Variants in IMMP2L observed in about 807,000 individuals in gnomAD.
IMMP2L encodes inner mitochondrial membrane peptidase subunit 2.
IMMP2L carries 18 observed loss-of-function variants against 19.3 expected under a neutral mutation model. That is an observed-to-expected ratio of 0.93 (90% CI 0.64 to 1.38). The LOEUF is 1.38. Ranked by LOEUF, IMMP2L falls within the 40% of genes most tolerant of loss-of-function variation. The pLI is 0.00. For synonymous variants in IMMP2L, 76 were observed against 73.0 expected (o/e 1.04, Z -0.21); for missense variants, 233 against 218.2 (o/e 1.07, Z -0.43).
At chr7:110,765,755 C>T (rs952952029) in intron 5 of IMMP2L, among the ~76,000 whole-genome samples, 1 of 152,104 alleles carries the variant, frequency 6.6e-6, no homozygotes, top group African/African-American at 2.4e-5. Context: ...GGGTAATTAG[C>T]TTATCAATAA....
At chr7:111,265,449 G>A (rs754703469) in intron 3 of IMMP2L, among the ~76,000 whole-genome samples, 1 of 152,090 alleles carries the variant, frequency 6.6e-6, no homozygotes, top group Non-Finnish European at 1.5e-5. Context: ...AATTTGTCAG[G>A]AGCTGTACTA....
chr7:110,965,357 A>T (rs1018689618), intron 3 of IMMP2L, among the ~76,000 whole-genome samples: 1 of 152,076 alleles, frequency 6.6e-6, no homozygotes, highest in Non-Finnish European at 1.5e-5. Flanking sequence ...ATCAAAGGAA[A>T]TGTGCACTTT....
intron 3 of IMMP2L, among the ~76,000 whole-genome samples, chr7:111,444,268 G>A (rs1838064235): frequency 6.6e-6 from 1 of 152,144 alleles, no homozygotes; most frequent in Non-Finnish European, 1.5e-5. Flanking sequence ...ATGCATTGGT[G>A]AATATGTTCA....
chr7:111,536,913 T>TA (rs1004362330), intron 1 of IMMP2L, among the ~76,000 whole-genome samples: 4 of 152,108 alleles, frequency 2.6e-5, no homozygotes, highest in African/African-American at 9.7e-5. Flanking sequence ...ACAATGGTTG[T>TA]ACCCTTGTAA....
At chr7:111,294,360 T>C (rs1410399747) in intron 3 of IMMP2L, among the ~76,000 whole-genome samples, 1 of 151,950 alleles carries the variant, frequency 6.6e-6, no homozygotes, top group African/African-American at 2.4e-5. Flanking sequence ...GAGCAGTATA[T>C]AGCTCTAGAA....
intron 3 of IMMP2L, among the ~76,000 whole-genome samples, chr7:111,015,693 G>C (rs951078200): frequency 2.0e-5 from 3 of 152,098 alleles, no homozygotes; most frequent in African/African-American, 7.2e-5. Context: ...TAAATGGAGA[G>C]TGAATGCTAA....
chr7:111,434,455 G>GA (rs111684183), intron 3 of IMMP2L, among the ~76,000 whole-genome samples: 19,022 of 140,360 alleles, frequency 0.14, 2,020 homozygotes, highest in African/African-American at 0.29. Flanking sequence ...TTTTCCACAA[G>GA]AAAAAAAAAA....
intron 3 of IMMP2L, among the ~76,000 whole-genome samples, chr7:111,167,766 T>G (rs1178035773): frequency 6.6e-6 from 1 of 151,940 alleles, no homozygotes; most frequent in Non-Finnish European, 1.5e-5. Flanking sequence ...GAGCCTGTTG[T>G]GTTTACTCGG....
intron 3 of IMMP2L, among the ~76,000 whole-genome samples, chr7:111,352,367 C>CTT (rs748454509): frequency 1.1e-4 from 14 of 130,820 alleles, no homozygotes; most frequent in African/African-American, 3.0e-4. Context: ...GCACAACTAA[C>CTT]TTTTTTTTTT....
intron 1 of IMMP2L, among the ~76,000 whole-genome samples, chr7:111,534,154 C>T (rs1847655966): frequency 6.6e-6 from 1 of 151,962 alleles, no homozygotes; most frequent in Non-Finnish European, 1.5e-5. Context: ...CATGAATATA[C>T]CTTCTGATGC....
chr7:111,159,135 A>C (rs1440163682), intron 3 of IMMP2L, among the ~76,000 whole-genome samples: 1 of 152,166 alleles, frequency 6.6e-6, no homozygotes, highest in Non-Finnish European at 1.5e-5. Flanking sequence ...ATTTATTTAG[A>C]GACGGAGTCT....
At chr7:110,971,350 A>G (rs774946274) in intron 3 of IMMP2L, among the ~76,000 whole-genome samples, 2 of 152,096 alleles carry the variant, frequency 1.3e-5, no homozygotes, top group East Asian at 1.9e-4. Flanking sequence ...TATGGTTACC[A>G]TATGATATTT....
chr7:111,089,431 A>C (rs1276957826), intron 3 of IMMP2L, among the ~76,000 whole-genome samples: 6 of 152,102 alleles, frequency 3.9e-5, no homozygotes, highest in Admixed American at 6.6e-5. Context: ...AATAATTATC[A>C]CAATTTTAAG....
intron 3 of IMMP2L, chr7:111,124,794 T>G: frequency 6.2e-7 from 1 of 1,613,490 alleles, no homozygotes; most frequent in Middle Eastern, 1.6e-4. Context: ...TTGCATTAGG[T>G]GAGCTTTATC....
chr7:111,162,555 C>T lies in IMMP2L; in HGVS notation c.240-198990G>A, dbSNP rs1435606309. On this transcript the variant is annotated intron_variant, in intron 3 of 5. Coordinates refer to ENST00000405709, the MANE Select transcript of IMMP2L (RefSeq NM_032549.4). ...GGGCATATCCTCCACAGGGATTCAT[C>T]CATTCTCCATTTTAAAATTGATTTT... Among the ~76,000 whole-genome samples, 7 of 152,124 alleles carry T rather than the reference C, an allele frequency of 4.6e-5. 1 individual carries two copies. In the South Asian group the frequency reaches 1.5e-3, roughly 32 times the overall value.
At chr7:110,873,579 C>T (rs1280438493) in intron 5 of IMMP2L, among the ~76,000 whole-genome samples, 1 of 146,094 alleles carries the variant, frequency 6.8e-6, no homozygotes, top group African/African-American at 2.5e-5. Context: ...GCCTGGCCAA[C>T]ATGGTGAAAC....
At chr7:111,037,457 T>C (rs183055411) in intron 3 of IMMP2L, among the ~76,000 whole-genome samples, 1 of 152,112 alleles carries the variant, frequency 6.6e-6, no homozygotes, top group Non-Finnish European at 1.5e-5. Flanking sequence ...TAAAGCACAC[T>C]TCAGATGCAT....
intron 3 of IMMP2L, among the ~76,000 whole-genome samples, chr7:111,190,107 T>C (rs759459629): frequency 2.0e-5 from 3 of 152,150 alleles, no homozygotes; most frequent in Non-Finnish European, 4.4e-5. Context: ...CATCATCTCA[T>C]ACCATTTTTT....
intron 3 of IMMP2L, among the ~76,000 whole-genome samples, chr7:111,343,736 C>T (rs1168801309): frequency 6.6e-6 from 1 of 152,086 alleles, no homozygotes; most frequent in Non-Finnish European, 1.5e-5. Context: ...GTATTTCCTG[C>T]ACAGAGAATT....
Sources: allele counts gnomAD v4.1 joint callset (sites outside exome capture counted in the v4.1 genomes callset), GRCh38; gene constraint gnomAD v4.1.1; transcripts MANE v1.5; gene names NCBI Gene and HGNC (gene_info 2026-07-23, HGNC 2026-07-21).